The following DEAF1 variants were observed in gnomAD, a reference collection of about 807,000 sequenced individuals.
DEAF1 encodes the protein DEAF1 transcription factor, also known as deformed epidermal autoregulatory factor 1 homolog.
Under a neutral mutation model 58.9 loss-of-function variants are expected in DEAF1, and 53 were observed. The ratio of observed to expected loss-of-function variants is 0.90; its 90% CI spans 0.72 to 1.13. DEAF1 has a LOEUF of 1.13. Among genes scored for constraint, DEAF1 ranks in the 50% most tolerant of loss-of-function variants. The probability of loss-of-function intolerance (pLI) is 0.00; values close to 1 mark genes in which losing one functional copy is unlikely to be tolerated. For synonymous variants in DEAF1, 385 were observed against 340.4 expected (o/e 1.13, Z -1.44); for missense variants, 685 against 791.4 (o/e 0.87, Z 1.61).
At chr11:686,308 A>C (rs1564949222) in intron 5 of DEAF1, among the ~76,000 whole-genome samples, 2 of 150,458 alleles carry the variant, frequency 1.3e-5, no homozygotes, top group Non-Finnish European at 3.0e-5. Context: ...AAAAAAAAAA[A>C]ACCACAAAAA....
chr11:699,014 G>T (rs1564960907), upstream of DEAF1: 9 of 1,156,008 alleles, frequency 7.8e-6, 1 homozygote, highest in South Asian at 6.1e-5. Context: ...GGAGAGGGGG[G>T]TGTTCCTTGA....
intron 11 of DEAF1, chr11:651,452 T>A: frequency 3.2e-6 from 1 of 311,442 alleles, no homozygotes; most frequent in African/African-American, 2.3e-5. Context: ...ATAAAAAACT[T>A]ATTGAGACAA....
upstream of DEAF1, chr11:695,739 C>T (rs1302047380): frequency 1.3e-5 from 16 of 1,240,256 alleles, no homozygotes; most frequent in African/African-American, 4.6e-5. Flanking sequence ...GCCCCTTCGT[C>T]AGGAGACGCG....
At chr11:704,928 G>A (rs140319145) in intron 1 of DEAF1, 1 of 347,884 alleles carries the variant, frequency 2.9e-6, no homozygotes, top group South Asian at 2.2e-5. Flanking sequence ...GCACCGAGGG[G>A]TTGGCGTGTG....
chr11:693,576 C>T (rs1264946577), intron 1 of DEAF1: 2 of 152,378 alleles, frequency 1.3e-5, no homozygotes, highest in Admixed American at 6.5e-5. Flanking sequence ...AAGCTCCTCC[C>T]AAGGGTCTCA....
At chr11:679,577 GC>G (rs767704696) in intron 8 of DEAF1, 110 bp downstream of exon 8, 307 of 1,532,748 alleles carry the variant, frequency 2.0e-4, no homozygotes, top group Admixed American at 5.9e-4. Flanking sequence ...CTGGTTCAAG[GC>G]CCCTCTCGAG....
intron 10 of DEAF1, among the ~76,000 whole-genome samples, chr11:655,815 T>G (rs879583392): frequency 6.8e-6 from 1 of 147,980 alleles, no homozygotes; most frequent in Non-Finnish European, 1.5e-5. Flanking sequence ...GCCCCCTGCC[T>G]CTACTTTATT....
At chr11:667,229 A>C (rs1197339355) in intron 10 of DEAF1, among the ~76,000 whole-genome samples, 1 of 152,064 alleles carries the variant, frequency 6.6e-6, no homozygotes, top group South Asian at 2.1e-4. Flanking sequence ...GGCTAAGGGA[A>C]GATCACCTGA....
chr11:687,927 C>T lies in DEAF1; in HGVS notation c.648G>A (p.Lys216=). The change falls in exon 4 of 12, where the codon AAG becomes AAA. Residue 216 remains lysine, a synonymous_variant. Coordinates refer to ENST00000382409, the MANE Select transcript of DEAF1 (RefSeq NM_021008.4). ...AGTCCTCACCTGAGCCGAGCCTGTT[C>T]TTGTACAGAGTGCCGCTGATGTTCC... ...RCRNISGTLY[K]NRLGSGGRGR... is the part of the protein sequence containing the mutation. The T allele has an allele frequency of 6.2e-7, 1 of 1,614,130 alleles. No homozygotes were observed.
At chr11:690,472 T>A (rs10794331) in intron 2 of DEAF1, among the ~76,000 whole-genome samples, 2 of 150,984 alleles carry the variant, frequency 1.3e-5, no homozygotes, top group Non-Finnish European at 3.0e-5. Context: ...AGGCCGGGTG[T>A]GGTGGCTCAC....
intron 1 of DEAF1, among the ~76,000 whole-genome samples, chr11:692,015 C>T (rs1030143916): frequency 3.9e-5 from 6 of 152,156 alleles, no homozygotes; most frequent in African/African-American, 1.4e-4. Flanking sequence ...TGGACCCACT[C>T]TTGTAGCTCC....
chr11:675,915 C>T (rs1391198882), intron 9 of DEAF1, among the ~76,000 whole-genome samples: 2 of 130,678 alleles, frequency 1.5e-5, no homozygotes, highest in African/African-American at 2.8e-5. Context: ...ATCCCCCCAG[C>T]ACCTGACACC....
At chr11:659,228 CA>C (rs34491245) in intron 10 of DEAF1, among the ~76,000 whole-genome samples, 28,325 of 79,776 alleles carry the variant, frequency 0.36, 3,116 homozygotes, top group East Asian at 0.44. Flanking sequence ...CCTGTCTCTA[CA>C]AAAAAAAAAA....
chr11:705,360 C>T (rs1305963982), intron 1 of DEAF1: 1 of 155,174 alleles, frequency 6.4e-6, no homozygotes, highest in Non-Finnish European at 1.4e-5. Context: ...CACCCTGGCC[C>T]TGTTCTGAGC....
chr11:694,891 C>A lies in DEAF1; in HGVS notation c.157G>T (p.Asp53Tyr), dbSNP rs774189859. 3.3e-6 allele frequency: 5 copies of A among 1,498,166 alleles called. No individual in the cohort carries two copies. The African/African-American group carries it at 7.2e-5, about 22-fold the overall frequency. 92.8% of individuals were successfully genotyped at this position (1,498,166 alleles called of 1,614,324 possible). The change falls in exon 1 of 12, where the codon GAC (aspartate) becomes TAC (tyrosine). Residue 53 changes from aspartate (D) to tyrosine (Y), a missense_variant. Asp to Tyr is a radical substitution (Grantham distance 160). Transcript: ENST00000382409. ...GGCGTCTCCCGCTCCGCCTCCGAGT[C>A]TGCGTCCTCCTCCGAGTCCTCGTCC... ...SRDEDSEEDA[D>Y]SEAERETPRV... is the part of the protein sequence containing the mutation.
At chr11:683,604 T>C (rs541289308) in intron 6 of DEAF1, among the ~76,000 whole-genome samples, 69 of 152,344 alleles carry the variant, frequency 4.5e-4, no homozygotes, top group Middle Eastern at 3.4e-3. Context: ...TTTTGGCTTT[T>C]TTATTTCCTT....
chr11:666,357 C>G (rs924882645), intron 10 of DEAF1: 1 of 152,156 alleles, frequency 6.6e-6, no homozygotes, highest in Admixed American at 6.6e-5. Context: ...TTCCAACACA[C>G]AATCAGGAAG....
chr11:679,464 A>G (rs1185535658), intron 8 of DEAF1, among the ~76,000 whole-genome samples: 1 of 152,216 alleles, frequency 6.6e-6, no homozygotes, highest in African/African-American at 2.4e-5. Context: ...CAGCTTTGCC[A>G]GTTCTGGCAT....
At chr11:701,512 G>A (rs541088120) in intron 1 of DEAF1, among the ~76,000 whole-genome samples, 1 of 146,320 alleles carries the variant, frequency 6.8e-6, no homozygotes, top group African/African-American at 2.5e-5. Context: ...CCGGGTTCAC[G>A]CCAGTCTCCT....
Sources: gnomAD v4.1 joint callset for allele counts (sites outside exome capture counted in the v4.1 genomes callset) on GRCh38, gnomAD v4.1.1 for gene constraint, MANE v1.5 for transcripts, NCBI Gene and HGNC (gene_info 2026-07-23, HGNC 2026-07-21) for gene names.